LRRC4C: variants seen among roughly 807,000 people sequenced by gnomAD.
LRRC4C encodes leucine rich repeat containing 4C, also known as leucine-rich repeat-containing protein 4C.
A neutral mutation model predicts 33.6 loss-of-function variants in LRRC4C; 5 were observed. The observed-to-expected ratio is 0.15, with a 90% CI of 0.08 to 0.31. LRRC4C has a LOEUF of 0.31. Ranked by LOEUF, LRRC4C falls within the 10% of genes least tolerant of loss-of-function variation. LRRC4C has a pLI of 1.00. For synonymous variants in LRRC4C, 329 were observed against 302.0 expected, an observed-to-expected ratio of 1.09 and a Z score of -0.93; for missense variants, 560 against 796.7, an observed-to-expected ratio of 0.70 and a Z score of 3.58.
intron 5 of LRRC4C, among the ~76,000 whole-genome samples, chr11:40,167,878 C>T (rs1444539608): frequency 5.3e-5 from 8 of 151,976 alleles, no homozygotes; most frequent in Non-Finnish European, 1.2e-4. Flanking sequence ...AACCCTGCCT[C>T]TACTAAAAAT....
intron 1 of LRRC4C, among the ~76,000 whole-genome samples, chr11:41,316,575 C>A (rs539736287): frequency 2.0e-5 from 3 of 152,264 alleles, no homozygotes; most frequent in African/African-American, 7.2e-5. Context: ...CAACTCTATT[C>A]GTCTGAATTA....
At chr11:40,465,620 A>T (rs769372967) in intron 3 of LRRC4C, among the ~76,000 whole-genome samples, 1 of 152,048 alleles carries the variant, frequency 6.6e-6, no homozygotes, top group Non-Finnish European at 1.5e-5. Flanking sequence ...AAATAACCCC[A>T]TCAAAAAGTG....
intron 3 of LRRC4C, among the ~76,000 whole-genome samples, chr11:40,588,309 G>T (rs1958860967): frequency 6.6e-6 from 1 of 151,938 alleles, no homozygotes; most frequent in African/African-American, 2.4e-5. Flanking sequence ...ATTTCTGTGG[G>T]ATCGGTGGTG....
At chr11:41,042,022 A>T (rs1857468281) in intron 1 of LRRC4C, among the ~76,000 whole-genome samples, 1 of 152,194 alleles carries the variant, frequency 6.6e-6, no homozygotes, top group Non-Finnish European at 1.5e-5. Flanking sequence ...ACTAGCACAG[A>T]TCTCTAAATT....
chr11:41,243,603 A>G (rs779903334), intron 1 of LRRC4C, among the ~76,000 whole-genome samples: 1 of 152,160 alleles, frequency 6.6e-6, no homozygotes, highest in Admixed American at 6.5e-5. Flanking sequence ...TTAAAAGTCA[A>G]TGGGAACCTG....
chr11:41,018,889 T>C (rs193122636), intron 1 of LRRC4C, among the ~76,000 whole-genome samples: 5 of 152,254 alleles, frequency 3.3e-5, no homozygotes, highest in Admixed American at 3.3e-4. Flanking sequence ...TTCTTTGATA[T>C]TGAGGTGCAA....
chr11:40,406,517 T>G (rs765365477), intron 3 of LRRC4C, among the ~76,000 whole-genome samples: 30 of 152,138 alleles, frequency 2.0e-4, no homozygotes, highest in Non-Finnish European at 4.0e-4. Flanking sequence ...GCAGTATACA[T>G]ATTAATTGAA....
chr11:41,276,302 A>G (rs1272736601), intron 1 of LRRC4C, among the ~76,000 whole-genome samples: 1 of 152,162 alleles, frequency 6.6e-6, no homozygotes, highest in Non-Finnish European at 1.5e-5. Context: ...CTCCCTGGTC[A>G]CCATCCACAC....
At chr11:40,371,220 T>C (rs2137259640) in intron 3 of LRRC4C, among the ~76,000 whole-genome samples, 1 of 152,306 alleles carries the variant, frequency 6.6e-6, no homozygotes, top group East Asian at 1.9e-4. Flanking sequence ...ATATCTGAAT[T>C]TGTGTCATTA....
chr11:40,551,150 C>G (rs940082606), intron 3 of LRRC4C, among the ~76,000 whole-genome samples: 14 of 152,022 alleles, frequency 9.2e-5, no homozygotes, highest in Non-Finnish European at 1.2e-4. Flanking sequence ...TATTAAAATC[C>G]AAATGTGTTA....
chr11:40,231,251 G>T (rs973664747), intron 5 of LRRC4C, among the ~76,000 whole-genome samples: 4 of 152,114 alleles, frequency 2.6e-5, no homozygotes, highest in African/African-American at 9.7e-5. Flanking sequence ...TAGCATTCAC[G>T]TTCAGATTTA....
At chr11:40,349,268 G>C (rs1353695836) in intron 3 of LRRC4C, among the ~76,000 whole-genome samples, 1 of 152,062 alleles carries the variant, frequency 6.6e-6, no homozygotes, top group African/African-American at 2.4e-5. Context: ...ATCTCCATGA[G>C]TTCAATTACT....
chr11:40,182,050 C>T (rs1861049965), intron 5 of LRRC4C, among the ~76,000 whole-genome samples: 3 of 152,162 alleles, frequency 2.0e-5, no homozygotes, highest in Admixed American at 2.0e-4. Flanking sequence ...CTAACTGATT[C>T]AGAATGAGGT....
chr11:40,778,848 T>C (rs1418213585), intron 2 of LRRC4C, among the ~76,000 whole-genome samples: 1 of 151,286 alleles, frequency 6.6e-6, no homozygotes, highest in African/African-American at 2.4e-5. Context: ...ACCTAGAATT[T>C]GTTGGGAAAG....
intron 3 of LRRC4C, among the ~76,000 whole-genome samples, chr11:40,542,036 C>T (rs1406804926): frequency 7.7e-6 from 1 of 130,508 alleles, no homozygotes; most frequent in African/African-American, 2.8e-5. Context: ...TTCTCTTTCT[C>T]TTTCTTTCTC....
chr11:41,105,387 T>C (rs1941434868), intron 1 of LRRC4C, among the ~76,000 whole-genome samples: 1 of 152,054 alleles, frequency 6.6e-6, no homozygotes, highest in African/African-American at 2.4e-5. Flanking sequence ...TATATATACA[T>C]CACTACGCAC....
chr11:41,085,620 A>T (rs147858286), intron 1 of LRRC4C, among the ~76,000 whole-genome samples: 4 of 152,282 alleles, frequency 2.6e-5, no homozygotes, highest in African/African-American at 9.6e-5. Context: ...GTCCACTGCC[A>T]TTCTTGTTAT....
At chr11:41,248,250 A>T (rs1191967652) in intron 1 of LRRC4C, among the ~76,000 whole-genome samples, 1 of 152,170 alleles carries the variant, frequency 6.6e-6, no homozygotes, top group Non-Finnish European at 1.5e-5. Flanking sequence ...ACTGCCTGCC[A>T]AATCCTGGAA....
At chr11:40,224,611 CTTTA>C (rs1421872582) in intron 5 of LRRC4C, among the ~76,000 whole-genome samples, 4 of 152,138 alleles carry the variant, frequency 2.6e-5, no homozygotes, top group Admixed American at 6.5e-5. Context: ...TCTTCAAGGC[CTTTA>C]TTTATTGATT....
Sources: allele counts gnomAD v4.1 joint callset (sites outside exome capture counted in the v4.1 genomes callset), GRCh38; gene constraint gnomAD v4.1.1; transcripts MANE v1.5; gene names NCBI Gene and HGNC (gene_info 2026-07-23, HGNC 2026-07-21).